The following MICAL3 variants were observed in gnomAD, a reference collection of about 807,000 sequenced individuals.
The protein encoded by MICAL3 is microtubule associated monooxygenase, calponin and LIM domain containing 3, also known as [F-actin]-monooxygenase MICAL3.
A neutral mutation model predicts 207.4 loss-of-function variants in MICAL3; 62 were observed. The observed-to-expected ratio is 0.30, with a 90% CI of 0.24 to 0.37. The LOEUF (loss-of-function observed/expected upper bound fraction) is 0.37. MICAL3 is among the 10% of genes least tolerant of loss of function. The pLI is 1.00. For missense variants in MICAL3, 2,368 were observed against 2,635.6 expected (o/e 0.90, Z 2.22); for synonymous variants, 1,077 against 1,069.3 (o/e 1.01, Z -0.14).
intron 25 of MICAL3, among the ~76,000 whole-genome samples, chr22:17,819,334 T>C (rs1921290814): frequency 6.6e-6 from 1 of 152,186 alleles, no homozygotes; most frequent in South Asian, 2.1e-4. Flanking sequence ...TTAGAACCAC[T>C]CTGCTTAGTT....
intron 1 of MICAL3, among the ~76,000 whole-genome samples, chr22:17,968,582 A>C (rs1935256967): frequency 6.6e-6 from 1 of 152,192 alleles, no homozygotes; most frequent in Admixed American, 6.5e-5. Flanking sequence ...GTTCAAATAA[A>C]CAACCAACCT....
At chr22:17,907,230 C>A (rs1000403111) in intron 1 of MICAL3, among the ~76,000 whole-genome samples, 4 of 152,014 alleles carry the variant, frequency 2.6e-5, no homozygotes, top group African/African-American at 9.7e-5. Context: ...GGGGGGGGTC[C>A]CCACTGAAGG....
intron 1 of MICAL3, among the ~76,000 whole-genome samples, chr22:17,966,710 G>A (rs753676321): frequency 1.3e-5 from 2 of 152,142 alleles, no homozygotes; most frequent in African/African-American, 2.4e-5. Flanking sequence ...GGAAGTAAAC[G>A]ACAGAATGCA....
chr22:18,017,387 T>A (rs895489394), intron 1 of MICAL3, among the ~76,000 whole-genome samples: 18 of 151,222 alleles, frequency 1.2e-4, no homozygotes, highest in African/African-American at 3.9e-4. Context: ...CTAATTTTTT[T>A]TATTTTTTTA....
chr22:17,872,855 C>T (rs1176129972), intron 16 of MICAL3: 3 of 1,578,250 alleles, frequency 1.9e-6, no homozygotes, highest in Non-Finnish European at 2.6e-6. Flanking sequence ...TTATATACTT[C>T]TATCGGTTGA....
At chr22:17,843,898 G>A (rs1028733740) in intron 19 of MICAL3, among the ~76,000 whole-genome samples, 1 of 152,190 alleles carries the variant, frequency 6.6e-6, no homozygotes, top group East Asian at 1.9e-4. Context: ...CCAGGCTGGA[G>A]TGCAGTGGCA....
rs1412111792 is a variant in MICAL3 at position 17,787,907 on chromosome 22, G to C, written c.*2825C>G. On this transcript the variant is annotated 3_prime_UTR_variant, in exon 32 of 32. Transcript: ENST00000441493. ...CATCCTCAAGCCCAGGGGCGGGAGC[G>C]CCTCCGGCCTGCCCTCCAGGGAAGC... 1 of 152,240 alleles carries C rather than the reference G, an allele frequency of 6.6e-6. No homozygotes were observed. The highest frequency in any genetic ancestry group is 6.5e-5 in the Admixed American group (1 of 15,286). The allele number at this position is 152,240 out of a possible 1,614,324, so 9.4% of individuals were successfully genotyped here. A position where few individuals can be genotyped will look rare whatever the true frequency, so the allele number is the denominator to read the frequency against.
chr22:17,844,013 G>GT (rs913963335), intron 19 of MICAL3, among the ~76,000 whole-genome samples: 2 of 152,132 alleles, frequency 1.3e-5, no homozygotes, highest in Non-Finnish European at 1.5e-5. Context: ...CACCCGGCTA[G>GT]TTTTTTTGTA....
chr22:17,804,083 G>A (rs1342613171), intron 29 of MICAL3, among the ~76,000 whole-genome samples: 1 of 152,188 alleles, frequency 6.6e-6, no homozygotes, highest in African/African-American at 2.4e-5. Context: ...GGCTGCGGGA[G>A]GAGGGCGGTA....
At chr22:17,991,128 G>A (rs1330821950) in intron 1 of MICAL3, among the ~76,000 whole-genome samples, 1 of 152,228 alleles carries the variant, frequency 6.6e-6, no homozygotes, top group Non-Finnish European at 1.5e-5. Context: ...CTGCCAGGAC[G>A]TGCCACAACT....
At chr22:17,966,149 AAC>A (rs1200340322) in intron 1 of MICAL3, among the ~76,000 whole-genome samples, 1 of 152,126 alleles carries the variant, frequency 6.6e-6, no homozygotes, top group East Asian at 1.9e-4. Context: ...CCTGCTTGAC[AAC>A]CACACACGTT....
intron 19 of MICAL3, among the ~76,000 whole-genome samples, chr22:17,854,618 C>T (rs1290611248): frequency 1.3e-5 from 2 of 152,182 alleles, no homozygotes; most frequent in East Asian, 3.9e-4. Context: ...TCGCTGAGCA[C>T]CTGCACCCCA....
intron 8 of MICAL3, 110 bp from the exon 9 acceptor site, chr22:17,896,471 T>C (rs898810324): frequency 1.1e-5 from 9 of 783,526 alleles, no homozygotes; most frequent in African/African-American, 1.8e-5. Context: ...TTGGCAACTG[T>C]TTCAATAACA....
chr22:17,831,860 T>A lies in MICAL3; in HGVS notation c.3049A>T (p.Ser1017Cys), dbSNP rs1348063869. ...EDYDEEEEESSEAGNQRLQQV... is the reference protein window; with the variant it reads ...EDYDEEEEESCEAGNQRLQQV... ...GCAGAGATTTTGTTCTGACCTTCAC[T>A]GGACTCTTCCTCCTCCTCGTCATAG... Residue 1017 changes from serine to cysteine, a missense_variant, in exon 21 of 32, where the codon AGT becomes TGT. Ser to Cys is a moderately radical substitution (Grantham distance 112, BLOSUM62 -1). Coordinates refer to ENST00000441493, the MANE Select transcript of MICAL3 (RefSeq NM_015241.3). 6.4e-7 allele frequency: 1 copy of A among 1,552,076 alleles called. No individual in the cohort carries two copies. Among genetic ancestry groups the A allele is most frequent in the East Asian group, 2.4e-5 (1 of 40,984 alleles).
intron 1 of MICAL3, among the ~76,000 whole-genome samples, chr22:17,973,057 A>T (rs1272948329): frequency 6.6e-6 from 1 of 152,224 alleles, no homozygotes; most frequent in Non-Finnish European, 1.5e-5. Flanking sequence ...TCAGTTCTTT[A>T]AGGAGCATCC....
rs1921693849 is a variant in MICAL3 at position 17,821,923 on chromosome 22, T to G, written c.3448+107A>C. 3.6e-6 allele frequency: 5 copies of G among 1,387,306 alleles called. No homozygotes were observed. The South Asian group carries it at 5.2e-5, about 15-fold the overall frequency. The allele number at this position is 1,387,306 out of a possible 1,614,324, so 85.9% of individuals were successfully genotyped here. A position where few individuals can be genotyped will look rare whatever the true frequency, so the allele number is the denominator to read the frequency against. On this transcript the variant is annotated intron_variant, in intron 24 of 31. Coordinates refer to ENST00000441493, the MANE Select transcript of MICAL3 (RefSeq NM_015241.3). ...GCTGCCCACACCTCGGAGGCTGGTGTGCACCATGGCTCTGCTCTGAAGCGC... is the reference window on the plus strand; with the variant it reads ...GCTGCCCACACCTCGGAGGCTGGTGGGCACCATGGCTCTGCTCTGAAGCGC...
chr22:17,926,081 TTGATGCTGGTCA>T (rs942435301), intron 1 of MICAL3, among the ~76,000 whole-genome samples: 4 of 152,248 alleles, frequency 2.6e-5, no homozygotes, highest in African/African-American at 9.6e-5. Context: ...CATCTTGACC[TTGATGCTGGTCA>T]AAGCTCTCAA....
intron 1 of MICAL3, among the ~76,000 whole-genome samples, chr22:17,917,838 G>A (rs894406857): frequency 6.6e-5 from 10 of 152,144 alleles, no homozygotes; most frequent in African/African-American, 1.7e-4. Flanking sequence ...CCCCTGCCCC[G>A]TCACTCTCGA....
rs142865216 is a variant in MICAL3 at position 17,928,210 on chromosome 22, C to T, written c.-74-21324G>A. Reference sequence around the variant, plus strand: ...ATCCCAGCACTTTGGGAGGCCGAGGCGGGCGCATCACGAGGTCAGGAGATC... The same window carrying T: ...ATCCCAGCACTTTGGGAGGCCGAGGTGGGCGCATCACGAGGTCAGGAGATC... On this transcript the variant is annotated intron_variant, in intron 1 of 31. Transcript: ENST00000441493. Among the ~76,000 whole-genome samples the T allele has an allele frequency of 2.9e-3, 443 of 152,186 alleles. 3 individuals are homozygous for T. Among genetic ancestry groups the T allele is most frequent in the African/African-American group, 0.01 (421 of 41,526 alleles).
Sources: gnomAD v4.1 joint callset for allele counts (sites outside exome capture counted in the v4.1 genomes callset) on GRCh38, gnomAD v4.1.1 for gene constraint, MANE v1.5 for transcripts, NCBI Gene and HGNC (gene_info 2026-07-23, HGNC 2026-07-21) for gene names.